Variants in NFIB observed in about 807,000 individuals in gnomAD.
NFIB encodes nuclear factor I B.
NFIB carries 11 observed loss-of-function variants against 61.5 expected under a neutral mutation model. The ratio of observed to expected loss-of-function variants is 0.18; its 90% CI spans 0.11 to 0.30. The LOEUF (loss-of-function observed/expected upper bound fraction) is 0.30, where lower values mean the gene tolerates loss of function less well. NFIB is among the 10% of genes least tolerant of loss of function. The probability of loss-of-function intolerance (pLI) is 1.00; values close to 1 mark genes in which losing one functional copy is unlikely to be tolerated. For synonymous variants in NFIB, 260 were observed against 216.5 expected (o/e 1.20, Z -1.76); for missense variants, 471 against 608.9 (o/e 0.77, Z 2.38).
At chr9:14,415,104 G>T in the NFIB span, among the ~76,000 whole-genome samples, 1 of 152,184 alleles carries the variant, frequency 6.6e-6, no homozygotes, top group Non-Finnish European at 1.5e-5. Context: ...ATTCTCACAG[G>T]CAGGCCTGAT....
intron 1 of NFIB, among the ~76,000 whole-genome samples, chr9:14,310,873 G>A (rs1023854893): frequency 5.3e-5 from 8 of 152,102 alleles, no homozygotes; most frequent in African/African-American, 1.4e-4. Flanking sequence ...TTCCATGAAA[G>A]GGATGGATAA....
chr9:14,128,879 G>A lies in NFIB; in HGVS notation c.926-3113C>T, dbSNP rs528837753. The stretch of plus-strand genomic sequence containing the variant: ...CTTTTGTAAAGGGCACATAAATCAA[G>A]GGTGTTTATATAGAAGTTGAAGATG... On this transcript the variant is annotated intron_variant, in intron 6 of 10. Transcript: ENST00000380953. Among the ~76,000 whole-genome samples the A allele has an allele frequency of 7.2e-5, 11 of 152,056 alleles. No individual in the cohort carries two copies. The South Asian group carries it at 1.5e-3, about 20-fold the overall frequency.
At chr9:14,181,152 T>A (rs549936186) in intron 2 of NFIB, among the ~76,000 whole-genome samples, 1 of 152,202 alleles carries the variant, frequency 6.6e-6, no homozygotes, top group East Asian at 1.9e-4. Context: ...ATATAAAACC[T>A]GGTTATTTAT....
At chr9:14,513,920 G>C in the NFIB span, among the ~76,000 whole-genome samples, 1 of 152,174 alleles carries the variant, frequency 6.6e-6, no homozygotes, top group Admixed American at 6.5e-5. Context: ...TTAATAGTGA[G>C]TGACAGATAC....
the NFIB span, among the ~76,000 whole-genome samples, chr9:14,477,329 CT>C: frequency 6.6e-6 from 1 of 152,168 alleles, no homozygotes; most frequent in Non-Finnish European, 1.5e-5. Flanking sequence ...AAAAGTCCCC[CT>C]CTGAAGTGAC....
intron 1 of NFIB, among the ~76,000 whole-genome samples, chr9:14,382,630 T>C (rs182235183): frequency 4.0e-3 from 608 of 152,014 alleles, no homozygotes; most frequent in Middle Eastern, 6.8e-3. Flanking sequence ...CTCAATAAGC[T>C]CTTGCACGAG....
chr9:14,265,412 G>A (rs779956409), intron 2 of NFIB, among the ~76,000 whole-genome samples: 1 of 152,150 alleles, frequency 6.6e-6, no homozygotes, highest in Non-Finnish European at 1.5e-5. Context: ...CAGAACTAGT[G>A]TCCTTATCAG....
intron 2 of NFIB, among the ~76,000 whole-genome samples, chr9:14,182,479 C>G (rs1373477119): frequency 2.0e-5 from 3 of 152,166 alleles, no homozygotes; most frequent in Admixed American, 1.3e-4. Context: ...ATATCGGTCA[C>G]TTAATTCCAA....
At chr9:14,423,535 C>T in the NFIB span, among the ~76,000 whole-genome samples, 3 of 152,096 alleles carry the variant, frequency 2.0e-5, no homozygotes, top group African/African-American at 4.8e-5. Context: ...AAGAAAAGTT[C>T]GAAGAGGTAA....
At chr9:14,463,821 C>T in the NFIB span, among the ~76,000 whole-genome samples, 20 of 152,062 alleles carry the variant, frequency 1.3e-4, 1 homozygote, top group African/African-American at 4.3e-4. Context: ...CCACCAAGCC[C>T]GGCTAATTTT....
intron 8 of NFIB, among the ~76,000 whole-genome samples, chr9:14,119,496 A>AT (rs1364242491): frequency 2.2e-5 from 3 of 133,524 alleles, no homozygotes; most frequent in Admixed American, 1.5e-4. Flanking sequence ...GACCAAAGGG[A>AT]TTTTTTTCTC....
chr9:14,377,020 A>C (rs1228514568), intron 1 of NFIB, among the ~76,000 whole-genome samples: 1 of 152,192 alleles, frequency 6.6e-6, no homozygotes, highest in Non-Finnish European at 1.5e-5. Context: ...GATATACTGT[A>C]TAAAATAAAT....
At chr9:14,441,068 C>G in the NFIB span, among the ~76,000 whole-genome samples, 1 of 142,650 alleles carries the variant, frequency 7.0e-6, no homozygotes, top group Non-Finnish European at 1.5e-5. Context: ...ATAAAGATAT[C>G]TTGGATAAAA....
At chr9:14,513,652 AAAAAGAAAAAG>A in the NFIB span, among the ~76,000 whole-genome samples, 1 of 112,918 alleles carries the variant, frequency 8.9e-6, no homozygotes, top group Non-Finnish European at 2.2e-5. Flanking sequence ...AAAAGAAAAG[AAAAAGAAAAAG>A]AAAAAAAAAG....
intron 2 of NFIB, among the ~76,000 whole-genome samples, chr9:14,230,881 T>C (rs1202642447): frequency 6.6e-6 from 1 of 151,892 alleles, no homozygotes; most frequent in African/African-American, 2.4e-5. Flanking sequence ...CCTACTGCCC[T>C]GGAAAGCCCA....
At chr9:14,403,610 G>A (rs757133209), upstream of NFIB, among the ~76,000 whole-genome samples, 1 of 151,684 alleles carries the variant, frequency 6.6e-6, no homozygotes, top group Non-Finnish European at 1.5e-5. Flanking sequence ...CTAAATCAGG[G>A]CAAATAAACT....
intron 1 of NFIB, among the ~76,000 whole-genome samples, chr9:14,392,085 A>G (rs2061628950): frequency 6.6e-6 from 1 of 152,206 alleles, no homozygotes; most frequent in Non-Finnish European, 1.5e-5. Context: ...AACATTCTAT[A>G]CAATACCTGA....
chr9:14,381,649 G>A (rs181889322), intron 1 of NFIB, among the ~76,000 whole-genome samples: 1 of 152,234 alleles, frequency 6.6e-6, no homozygotes, highest in East Asian at 1.9e-4. Context: ...GCACTGTGTG[G>A]AAGAAGAAAT....
At chr9:14,510,819 T>C in the NFIB span, among the ~76,000 whole-genome samples, 1 of 152,224 alleles carries the variant, frequency 6.6e-6, no homozygotes, top group Non-Finnish European at 1.5e-5. Context: ...TTCATTTCTA[T>C]GTGTTTTTTT....
Sources: gnomAD v4.1 joint callset for allele counts (sites outside exome capture counted in the v4.1 genomes callset) on GRCh38, gnomAD v4.1.1 for gene constraint, MANE v1.5 for transcripts, NCBI Gene and HGNC (gene_info 2026-07-23, HGNC 2026-07-21) for gene names.